DLGAP3: variants seen among roughly 807,000 people sequenced by gnomAD.
DLGAP3 encodes the protein DLG associated protein 3, also known as disks large-associated protein 3.
In DLGAP3, 17 loss-of-function variants were observed where a neutral mutation model predicts 81.2. The ratio of observed to expected loss-of-function variants is 0.21; its 90% CI spans 0.14 to 0.31. The LOEUF (loss-of-function observed/expected upper bound fraction) is 0.31, where lower values mean the gene tolerates loss of function less well. Among genes scored for constraint, DLGAP3 ranks in the 10% least tolerant of loss-of-function variants. The probability of loss-of-function intolerance (pLI) is 1.00; values close to 1 mark genes in which losing one functional copy is unlikely to be tolerated. For missense variants in DLGAP3, 1,124 were observed against 1,388.0 expected (o/e 0.81, Z 3.02); for synonymous variants, 577 against 587.4 (o/e 0.98, Z 0.26).
chr1:34,874,128 A>G (rs947573353), intron 8 of DLGAP3, among the ~76,000 whole-genome samples: 1 of 152,186 alleles, frequency 6.6e-6, no homozygotes, highest in Non-Finnish European at 1.5e-5. Flanking sequence ...GAATGCAGAC[A>G]TGATGGCTGG....
chr1:34,899,830 T>A, intron 4 of DLGAP3, 89 bp from the exon 5 acceptor site: 2 of 1,253,338 alleles, frequency 1.6e-6, no homozygotes, highest in Non-Finnish European at 2.3e-6. Flanking sequence ...CCTGAGTAAG[T>A]CCTATTCCTC....
At chr1:34,928,138 G>A (rs1280511635) in intron 1 of DLGAP3, among the ~76,000 whole-genome samples, 3 of 152,134 alleles carry the variant, frequency 2.0e-5, no homozygotes, top group African/African-American at 4.8e-5. Flanking sequence ...GAACTAATAT[G>A]AGGGCATTAT....
chr1:34,867,407 C>T lies in DLGAP3; in HGVS notation c.2577+129G>A, dbSNP rs1283664412. On this transcript the variant is annotated intron_variant, in intron 10 of 11. Transcript: ENST00000373347. The surrounding 1 kb of genome is among the most constrained non-coding windows in gnomAD (Gnocchi z 4.3). ...CCAGGCACAAGACTCACAGCTACCCCAGAAGGCATGCAGGCCTGGTCTCAC... is the reference window on the plus strand; with the variant it reads ...CCAGGCACAAGACTCACAGCTACCCTAGAAGGCATGCAGGCCTGGTCTCAC... The T allele has an allele frequency of 9.4e-7, 1 of 1,062,472 alleles. No homozygotes were observed. The highest frequency in any genetic ancestry group is 1.5e-6 in the Non-Finnish European group (1 of 682,084). The allele number at this position is 1,062,472 out of a possible 1,614,324, so 65.8% of individuals were successfully genotyped here.
chr1:34,897,451 C>T lies in DLGAP3; in HGVS notation c.1386+2218G>A, dbSNP rs185771460. Among the ~76,000 whole-genome samples, 179 of 152,140 alleles carry T rather than the reference C, an allele frequency of 1.2e-3. 6 individuals are homozygous for T. The East Asian group carries it at 0.02, about 17-fold the overall frequency. ...ATGGGAGTGGCTGGGAAGGGGACAT[C>T]CAGGCAAAGGTAGTGGCAAATGCAA... On this transcript the variant is annotated intron_variant, in intron 5 of 11. Transcript: ENST00000373347.
chr1:34,898,686 G>A (rs1639411417), intron 5 of DLGAP3, among the ~76,000 whole-genome samples: 1 of 152,184 alleles, frequency 6.6e-6, no homozygotes, highest in South Asian at 2.1e-4. Context: ...AAGGGAAAGT[G>A]GGGCTCAAAA....
At chr1:34,908,108 T>C (rs1175301568) in intron 1 of DLGAP3, among the ~76,000 whole-genome samples, 1 of 152,250 alleles carries the variant, frequency 6.6e-6, no homozygotes, top group Non-Finnish European at 1.5e-5. Flanking sequence ...TCGGTTTCTA[T>C]CTCCTCACCT....
Position 34,911,024 on chromosome 1 carries a change from C to CG in DLGAP3, c.-134-3588_-134-3587insC, listed in dbSNP as rs113143380. ...ATTCCAAAGGATAGATATTATCCACCCCCCCCCCACCACCTTCCAGTGTAC... is the reference window on the plus strand; with the variant it reads ...ATTCCAAAGGATAGATATTATCCACCGCCCCCCCCACCACCTTCCAGTGTAC... On this transcript the variant is annotated intron_variant, in intron 1 of 11. Coordinates refer to ENST00000373347, the MANE Select transcript of DLGAP3 (RefSeq NM_001080418.3). Among the ~76,000 whole-genome samples, 501 of 65,978 alleles carry CG rather than the reference C, an allele frequency of 7.6e-3. 9 individuals carry two copies. Among genetic ancestry groups the CG allele is most frequent in the African/African-American group, 0.018 (489 of 27,570 alleles). 43.3% of individuals were successfully genotyped at this position (65,978 alleles called of 152,430 possible).
At chr1:34,903,813 A>T (rs1639500218) in intron 3 of DLGAP3, among the ~76,000 whole-genome samples, 1 of 152,080 alleles carries the variant, frequency 6.6e-6, no homozygotes, top group Non-Finnish European at 1.5e-5. Flanking sequence ...GAAATAACTG[A>T]TCTTCATATT....
At chr1:34,888,322 A>G (rs1639264546) in intron 5 of DLGAP3, among the ~76,000 whole-genome samples, 1 of 152,212 alleles carries the variant, frequency 6.6e-6, no homozygotes, top group African/African-American at 2.4e-5. Flanking sequence ...AGACCCAGAG[A>G]GGGCAGGTGA....
At chr1:34,913,036 GT>G (rs1357281943) in intron 1 of DLGAP3, among the ~76,000 whole-genome samples, 1 of 152,136 alleles carries the variant, frequency 6.6e-6, no homozygotes, top group Non-Finnish European at 1.5e-5. Context: ...AGCCAGCCCT[GT>G]TGCTGAAGAC....
chr1:34,866,245 C>A lies in DLGAP3; in HGVS notation c.2778G>T (p.Val926=). ...IPKKPLRGRG[V]PVKERSLDSV... is the part of the protein sequence containing the mutation. ...AGTCCAGGGAGCGCTCCTTCACCGG[C>A]ACGCCCCGGCCCCGCAGGGGCTTCT... Residue 926 remains valine (V), a synonymous_variant, in exon 12 of 12, where the codon GTG becomes GTT. Coordinates refer to ENST00000373347, the MANE Select transcript of DLGAP3 (RefSeq NM_001080418.3). The A allele has an allele frequency of 6.4e-7, 1 of 1,569,334 alleles. No individual in the cohort carries two copies. The highest frequency in any genetic ancestry group is 8.6e-7 in the Non-Finnish European group (1 of 1,160,574).
At chr1:34,866,419 G>T (rs1380722507) in intron 11 of DLGAP3, 118 bp from the exon 12 acceptor site, 5 of 812,662 alleles carry the variant, frequency 6.2e-6, no homozygotes, top group Non-Finnish European at 9.3e-6. Flanking sequence ...ACGCGATGGC[G>T]CTCAGAATCC....
chr1:34,883,482 T>C (rs1313305693), intron 8 of DLGAP3, among the ~76,000 whole-genome samples: 1 of 152,142 alleles, frequency 6.6e-6, no homozygotes, highest in Non-Finnish European at 1.5e-5. Context: ...TGGTGGTCCA[T>C]GGGATAGCAC....
At position 34,868,542 on chromosome 1, in the gene DLGAP3, G is replaced by A. The variant is rs1401982909; in HGVS notation, c.2485+63C>T. ...TGCAGCCCCAGCCACCCCCATCAGGGTCTCCTGAGCACACACGAGGCCATG... is the reference window on the plus strand; with the variant it reads ...TGCAGCCCCAGCCACCCCCATCAGGATCTCCTGAGCACACACGAGGCCATG... On this transcript the variant is annotated intron_variant, in intron 9 of 11. Coordinates refer to ENST00000373347, the MANE Select transcript of DLGAP3 (RefSeq NM_001080418.3). This position sits in a 1 kb window ranked among gnomAD's most constrained non-coding sequence, Gnocchi z 7.5. 6 of 1,430,370 alleles carry A rather than the reference G, an allele frequency of 4.2e-6. No homozygotes were observed. In the East Asian group the frequency reaches 1.1e-4, roughly 27 times the overall value. 88.6% of individuals were successfully genotyped at this position (1,430,370 alleles called of 1,614,324 possible).
rs576463955 is a variant in DLGAP3 at position 34,868,060 on chromosome 1, T to C, written c.2486-433A>G. Reference sequence around the variant, plus strand: ...CAAGTAATTTCATGTACATAACACATCTTCATAGCCACTGTCCCCTCAACT... The same window carrying C: ...CAAGTAATTTCATGTACATAACACACCTTCATAGCCACTGTCCCCTCAACT... On this transcript the variant is annotated intron_variant, in intron 9 of 11. Transcript: ENST00000373347. The surrounding 1 kb of genome is among the most constrained non-coding windows in gnomAD (Gnocchi z 7.5). Among the ~76,000 whole-genome samples, 35 of 152,270 alleles carry C rather than the reference T, an allele frequency of 2.3e-4. No homozygotes were observed. Among genetic ancestry groups the C allele is most frequent in the African/African-American group, 7.2e-4 (30 of 41,540 alleles).
intron 1 of DLGAP3, among the ~76,000 whole-genome samples, chr1:34,914,573 G>A (rs1639688849): frequency 6.6e-6 from 1 of 152,202 alleles, no homozygotes; most frequent in Non-Finnish European, 1.5e-5. Context: ...TACTAGACGT[G>A]TGGCCTCAAG....
At position 34,865,875 on chromosome 1, in the gene DLGAP3, G is replaced by A; in HGVS notation, c.*208C>T. ...CCAGGTGAGGGGCGCAGGGCGGAGA[G>A]GCACGGCCCCCTGCCCAGCCCGGGC... On this transcript the variant is annotated 3_prime_UTR_variant, in exon 12 of 12. Transcript: ENST00000373347. 1 of 667,716 alleles carries A rather than the reference G, an allele frequency of 1.5e-6. No homozygotes were observed. Among genetic ancestry groups the A allele is most frequent in the South Asian group, 1.6e-5 (1 of 64,026 alleles). 41.4% of individuals were successfully genotyped at this position (667,716 alleles called of 1,614,324 possible).
chr1:34,919,254 G>A (rs1639764643), intron 1 of DLGAP3, among the ~76,000 whole-genome samples: 1 of 152,190 alleles, frequency 6.6e-6, no homozygotes, highest in Non-Finnish European at 1.5e-5. Flanking sequence ...GTGTCAAAGA[G>A]GATCTTAGGC....
Position 34,905,035 on chromosome 1 carries a change from G to A in DLGAP3, c.349C>T (p.Leu117=), listed in dbSNP as rs1177284125. The part of the protein sequence containing the change: ...GHPQGKGAPR[L]PPTLLDQFEK... The stretch of plus-strand genomic sequence containing the variant: ...AACTGATCCAGGAGTGTAGGAGGCA[G>A]GCGGGGGGCACCCTTGCCCTGTGGG... The change falls in exon 3 of 12, where the codon CTG becomes TTG. Residue 117 remains leucine, a synonymous_variant. Coordinates refer to ENST00000373347, the MANE Select transcript of DLGAP3 (RefSeq NM_001080418.3). 2 of 1,605,842 alleles carry A rather than the reference G, an allele frequency of 1.2e-6. No homozygotes were observed. The highest frequency in any genetic ancestry group is 1.7e-4 in the Middle Eastern group (1 of 6,054).
Sources: gnomAD v4.1 joint callset for allele counts (sites outside exome capture counted in the v4.1 genomes callset) on GRCh38, gnomAD v4.1.1 for gene constraint, Gnocchi (gnomAD v3.1) non-coding constraint, MANE v1.5 for transcripts, NCBI Gene and HGNC (gene_info 2026-07-23, HGNC 2026-07-21) for gene names.